SH3BGRL: variants seen among roughly 807,000 people sequenced by gnomAD.
The protein encoded by SH3BGRL is adapter SH3BGRL.
Under a neutral mutation model 9.8 loss-of-function variants are expected in SH3BGRL, and 7 were observed. That is an observed-to-expected ratio of 0.72 (90% CI 0.41 to 1.35). The LOEUF is 1.35. SH3BGRL is among the 40% of genes most tolerant of loss of function. The probability of loss-of-function intolerance (pLI) is 0.01; values close to 1 mark genes in which losing one functional copy is unlikely to be tolerated. For synonymous variants in SH3BGRL, 36 were observed against 29.1 expected, an observed-to-expected ratio of 1.24 and a Z score of -0.76; for missense variants, 73 against 84.4, an observed-to-expected ratio of 0.86 and a Z score of 0.53.
intron 1 of SH3BGRL, among the ~76,000 whole-genome samples, chrX:81,209,353 C>T (rs2075556887): frequency 9.0e-6 from 1 of 111,716 alleles, no homozygotes; most frequent in Non-Finnish European, 1.9e-5. Flanking sequence ...CTTATTTATG[C>T]ATTGTATATG....
At chrX:81,225,110 G>A (rs1602598999) in intron 1 of SH3BGRL, among the ~76,000 whole-genome samples, 1 of 110,784 alleles carries the variant, frequency 9.0e-6, no homozygotes, top group Non-Finnish European at 1.9e-5. Flanking sequence ...AGCCTTTCAA[G>A]TCTGAGGTAA....
At chrX:81,209,732 C>T (rs1047841208) in intron 1 of SH3BGRL, among the ~76,000 whole-genome samples, 1 of 112,022 alleles carries the variant, frequency 8.9e-6, no homozygotes, top group African/African-American at 3.2e-5. Flanking sequence ...TCATTCATAA[C>T]CCGTACTCGA....
intron 1 of SH3BGRL, among the ~76,000 whole-genome samples, chrX:81,203,419 A>T (rs937420786): frequency 1.8e-5 from 2 of 112,145 alleles, no homozygotes; most frequent in African/African-American, 6.5e-5. Flanking sequence ...TGTTTATGCA[A>T]TTTTGGAATA....
chrX:81,291,454 C>T (rs1051652585), intron 3 of SH3BGRL, among the ~76,000 whole-genome samples: 2 of 111,332 alleles, frequency 1.8e-5, no homozygotes, highest in African/African-American at 6.6e-5. Context: ...CCCCCATGAT[C>T]CAATCAGCTC....
At chrX:81,238,043 T>A (rs1297116444) in intron 1 of SH3BGRL, among the ~76,000 whole-genome samples, 1 of 107,992 alleles carries the variant, frequency 9.3e-6, no homozygotes, top group Non-Finnish European at 1.9e-5. Flanking sequence ...GCAGCATCCA[T>A]CATTTGCTAA....
chrX:81,266,686 C>T (rs938936461), intron 1 of SH3BGRL, among the ~76,000 whole-genome samples: 28 of 111,625 alleles, frequency 2.5e-4, no homozygotes, highest in Non-Finnish European at 3.4e-4. Context: ...CTTGGCTATG[C>T]GGGCTGTTTT....
chrX:81,263,999 G>A lies in SH3BGRL; in HGVS notation c.46-12985G>A, dbSNP rs150263642. Among the ~76,000 whole-genome samples the A allele has an allele frequency of 1.6e-3, 180 of 110,101 alleles. 1 individual carries two copies. The highest frequency in any genetic ancestry group is 3.1e-3 in the Non-Finnish European group (163 of 52,737). ...GTGGTGTTCTACTCAGTTCTCCTGT[G>A]TGCATACTGCCTGTGTTCATGCAAG... is the stretch of plus-strand genomic sequence containing the variant. On this transcript the variant is annotated intron_variant, in intron 1 of 3. Coordinates refer to ENST00000373212, the MANE Select transcript of SH3BGRL (RefSeq NM_003022.3).
At chrX:81,265,039 C>A in intron 1 of SH3BGRL, among the ~76,000 whole-genome samples, 1 of 104,312 alleles carries the variant, frequency 9.6e-6, no homozygotes, top group African/African-American at 3.5e-5. Context: ...CTGTTAACAC[C>A]TGAAGACATA....
chrX:81,242,169 A>G (rs2075672199), intron 1 of SH3BGRL, among the ~76,000 whole-genome samples: 1 of 112,381 alleles, frequency 8.9e-6, no homozygotes, highest in South Asian at 3.7e-4. Context: ...AAATTATACT[A>G]CAGAGCTATA....
At chrX:81,214,748 T>A (rs1249773584) in intron 1 of SH3BGRL, among the ~76,000 whole-genome samples, 1 of 112,118 alleles carries the variant, frequency 8.9e-6, no homozygotes. Context: ...TCGTAAAAAA[T>A]AAGCAGGAAA....
At chrX:81,232,213 T>A (rs2075634958) in intron 1 of SH3BGRL, among the ~76,000 whole-genome samples, 1 of 111,429 alleles carries the variant, frequency 9.0e-6, no homozygotes, top group African/African-American at 3.3e-5. Context: ...CCCTAAAATA[T>A]TTTACTATGC....
At position 81,262,520 on chromosome X, in the gene SH3BGRL, A is replaced by C. The variant is rs183081437; in HGVS notation, c.46-14464A>C. ...ACAGGAAATAAGAAAAGTCTGAGAA[A>C]CTCTTACAGCCCAGAGGAGACTAAG... On this transcript the variant is annotated intron_variant, in intron 1 of 3. Coordinates refer to ENST00000373212, the MANE Select transcript of SH3BGRL (RefSeq NM_003022.3). 3.7e-3 allele frequency among the ~76,000 whole-genome samples: 414 copies of C among 111,557 alleles called. 3 individuals carry two copies. Among genetic ancestry groups the C allele is most frequent in the African/African-American group, 0.013 (400 of 30,724 alleles).
intron 3 of SH3BGRL, among the ~76,000 whole-genome samples, chrX:81,290,672 A>T (rs962834769): frequency 5.4e-5 from 6 of 110,844 alleles, no homozygotes; most frequent in African/African-American, 2.0e-4. Context: ...AAACATGAAG[A>T]CTACGGTCAA....
chrX:81,289,214 G>A (rs2075848061), intron 3 of SH3BGRL, among the ~76,000 whole-genome samples: 2 of 111,979 alleles, frequency 1.8e-5, no homozygotes, highest in Non-Finnish European at 3.8e-5. Flanking sequence ...GGGAAAACTG[G>A]ACATCCATAT....
chrX:81,238,792 CAGAGAGAGAGAGAGAG>C (rs766291990), intron 1 of SH3BGRL, among the ~76,000 whole-genome samples: 1 of 91,442 alleles, frequency 1.1e-5, no homozygotes, highest in East Asian at 3.8e-4. Flanking sequence ...TAGTGCAGAA[CAGAGAGAGAGAGAGAG>C]AGAGAGAGAG....
chrX:81,219,898 C>G (rs2075595201), intron 1 of SH3BGRL, among the ~76,000 whole-genome samples: 1 of 111,420 alleles, frequency 9.0e-6, no homozygotes, highest in African/African-American at 3.3e-5. Context: ...GTCCTTCATT[C>G]CATTGATATG....
At chrX:81,255,714 G>A (rs2075723882) in intron 1 of SH3BGRL, 1 of 111,702 alleles carries the variant, frequency 9.0e-6, no homozygotes, top group African/African-American at 3.3e-5. Context: ...ATAATTTTCT[G>A]TTTTGCTCCC....
intron 1 of SH3BGRL, among the ~76,000 whole-genome samples, chrX:81,203,819 T>G (rs2075537210): frequency 8.9e-6 from 1 of 112,236 alleles, no homozygotes. Flanking sequence ...TGTTAAGTCT[T>G]AAGTTTCCAA....
rs781653780 is a variant in SH3BGRL, at chrX:81,205,173, T to C, written c.45+2928T>C. Among the ~76,000 whole-genome samples the C allele has an allele frequency of 2.7e-5, 3 of 111,321 alleles. No individual in the cohort carries two copies. In the South Asian group the frequency reaches 1.1e-3, roughly 42 times the overall value. On this transcript the variant is annotated intron_variant, in intron 1 of 3. Coordinates refer to ENST00000373212, the MANE Select transcript of SH3BGRL (RefSeq NM_003022.3). The stretch of plus-strand genomic sequence containing the variant: ...CAATTGAACAGTGGATCTTATTCCT[T>C]CTATCTAACTGTATTTGTGTACTCA...
Sources: gnomAD v4.1 joint callset for allele counts (sites outside exome capture counted in the v4.1 genomes callset) on GRCh38, gnomAD v4.1.1 for gene constraint, MANE v1.5 for transcripts, NCBI Gene and HGNC (gene_info 2026-07-23, HGNC 2026-07-21) for gene names.